The following CDK5RAP2 variants were observed in gnomAD, a reference collection of about 807,000 sequenced individuals.
CDK5RAP2 encodes the protein CDK5 regulatory subunit-associated protein 2.
CDK5RAP2 carries 147 observed loss-of-function variants against 232.9 expected under a neutral mutation model. That is an observed-to-expected ratio of 0.63 (90% confidence interval 0.55 to 0.72). The LOEUF (loss-of-function observed/expected upper bound fraction) is 0.72, where lower values mean the gene tolerates loss of function less well. Ranked by LOEUF, CDK5RAP2 falls within the 30% of genes least tolerant of loss-of-function variation. CDK5RAP2 has a pLI of 0.00. For synonymous variants in CDK5RAP2, 833 were observed against 833.7 expected, an observed-to-expected ratio of 1.00 and a Z score of 0.01; for missense variants, 2,195 against 2,231.5, an observed-to-expected ratio of 0.98 and a Z score of 0.33.
intron 28 of CDK5RAP2, among the ~76,000 whole-genome samples, chr9:120,413,807 C>CGAGGAGAGGGGAGG (rs1448879980): frequency 3.9e-4 from 44 of 111,972 alleles, no homozygotes; most frequent in Non-Finnish European, 6.4e-4. Flanking sequence ...GCGCAGTGAG[C>CGAGGAGAGGGGAGG]GAGGAGGGAG....
chr9:120,560,004 T>C (rs1403411172), intron 3 of CDK5RAP2, among the ~76,000 whole-genome samples: 1 of 152,140 alleles, frequency 6.6e-6, no homozygotes, highest in African/African-American at 2.4e-5. Flanking sequence ...AACTGAAATC[T>C]AAGCAAAGTA....
chr9:120,408,486 G>C lies in CDK5RAP2; in HGVS notation c.4605-18C>G, dbSNP rs1048188142. 3 of 1,613,906 alleles carry C rather than the reference G, an allele frequency of 1.9e-6. No homozygotes were observed. The highest frequency in any genetic ancestry group is 2.5e-6 in the Non-Finnish European group (3 of 1,179,916). On this transcript the variant is annotated intron_variant, in intron 30 of 37. Coordinates refer to ENST00000349780, the MANE Select transcript of CDK5RAP2 (RefSeq NM_018249.6). ...CCTGCACCCTGAGAAGGCCCCACAGGCATGAGAAGGACAGGTTAATTCTAC... is the reference window on the plus strand; with the variant it reads ...CCTGCACCCTGAGAAGGCCCCACAGCCATGAGAAGGACAGGTTAATTCTAC...
intron 17 of CDK5RAP2, 41 bp from the exon 18 acceptor site, chr9:120,468,038 G>A (rs1471908423): frequency 1.9e-6 from 3 of 1,611,426 alleles, no homozygotes; most frequent in Non-Finnish European, 2.5e-6. Flanking sequence ...TACCCAGCAA[G>A]AGACTTCAGC....
chr9:120,574,572 C>A (rs2042961358), intron 1 of CDK5RAP2, among the ~76,000 whole-genome samples: 1 of 152,168 alleles, frequency 6.6e-6, no homozygotes, highest in Non-Finnish European at 1.5e-5. Flanking sequence ...CCCAAAGCTC[C>A]TATATAAATG....
At chr9:120,407,616 A>T (rs1301853435) in intron 31 of CDK5RAP2, 2 of 203,498 alleles carry the variant, frequency 9.8e-6, no homozygotes, top group African/African-American at 2.3e-5. Context: ...CAGCAAGAAT[A>T]AAAAAAGCAA....
chr9:120,429,541 T>C (rs924337194), intron 25 of CDK5RAP2, among the ~76,000 whole-genome samples: 7 of 152,056 alleles, frequency 4.6e-5, no homozygotes, highest in African/African-American at 1.4e-4. Flanking sequence ...ACTTAGGAAT[T>C]CAACTTACAA....
intron 23 of CDK5RAP2, among the ~76,000 whole-genome samples, chr9:120,443,279 T>A (rs2035999099): frequency 6.6e-6 from 1 of 152,086 alleles, no homozygotes; most frequent in South Asian, 2.1e-4. Flanking sequence ...AACAGGCTGT[T>A]GGGATGATTG....
In CDK5RAP2 at chr9:120,536,581, T is replaced by G. The variant is rs73660578; in HGVS notation, c.508-55A>C. On this transcript the variant is annotated intron_variant, in intron 6 of 37. Coordinates refer to ENST00000349780, the MANE Select transcript of CDK5RAP2 (RefSeq NM_018249.6). ...ATTTTTCAATACAATTGGGAACATT[T>G]TGAAAGGAAATTGGATTAAAATATA... 3.3e-6 allele frequency: 5 copies of G among 1,527,286 alleles called. No homozygotes were observed. In the African/African-American group the frequency reaches 5.5e-5, roughly 17 times the overall value. 94.6% of individuals were successfully genotyped at this position (1,527,286 alleles called of 1,614,324 possible). A position where few individuals can be genotyped will look rare whatever the true frequency, so the allele number is the denominator to read the frequency against.
intron 28 of CDK5RAP2, among the ~76,000 whole-genome samples, chr9:120,412,979 C>T (rs2033944100): frequency 6.6e-6 from 1 of 152,202 alleles, no homozygotes; most frequent in African/African-American, 2.4e-5. Flanking sequence ...GGCTTAATAG[C>T]TGCATGACCT....
At chr9:120,577,457 A>G (rs928155406) in intron 1 of CDK5RAP2, among the ~76,000 whole-genome samples, 6 of 152,106 alleles carry the variant, frequency 3.9e-5, no homozygotes, top group Non-Finnish European at 7.4e-5. Context: ...TTTAACAGGG[A>G]CACAGTTTCT....
chr9:120,565,914 T>C (rs1224688897), intron 3 of CDK5RAP2, among the ~76,000 whole-genome samples: 1 of 152,198 alleles, frequency 6.6e-6, no homozygotes, highest in Non-Finnish European at 1.5e-5. Context: ...CTTAATCCAC[T>C]GCAGATTCCC....
At chr9:120,578,430 AG>A (rs2043116655) in intron 1 of CDK5RAP2, among the ~76,000 whole-genome samples, 1 of 152,222 alleles carries the variant, frequency 6.6e-6, no homozygotes, top group Non-Finnish European at 1.5e-5. Context: ...CCAATTAGAC[AG>A]GAACTGCAAA....
intron 20 of CDK5RAP2, among the ~76,000 whole-genome samples, chr9:120,457,685 G>C (rs1025726103): frequency 6.6e-6 from 1 of 152,232 alleles, no homozygotes; most frequent in African/African-American, 2.4e-5. Context: ...CTTATCAAGA[G>C]TCATGGGCAA....
chr9:120,568,485 G>T, intron 2 of CDK5RAP2, 97 bp from the exon 3 acceptor site: 1 of 872,346 alleles, frequency 1.1e-6, no homozygotes. Flanking sequence ...AACACGAACT[G>T]CTTCCACAGT....
At chr9:120,472,985 G>A (rs925260558) in intron 15 of CDK5RAP2, among the ~76,000 whole-genome samples, 2 of 152,252 alleles carry the variant, frequency 1.3e-5, no homozygotes, top group Non-Finnish European at 2.9e-5. Context: ...GGACAGTGCA[G>A]ATCCGTAAGA....
intron 12 of CDK5RAP2, among the ~76,000 whole-genome samples, chr9:120,515,181 A>T (rs1009096715): frequency 5.3e-5 from 8 of 151,126 alleles, no homozygotes; most frequent in Non-Finnish European, 1.2e-4. Context: ...GTTTTAAACT[A>T]AAAAAAAAGG....
At chr9:120,394,447 C>T in intron 36 of CDK5RAP2, 65 bp downstream of exon 36, 1 of 1,611,844 alleles carries the variant, frequency 6.2e-7, no homozygotes, top group Non-Finnish European at 8.5e-7. Flanking sequence ...TAATCCAGGG[C>T]AGAACTGGGA....
Position 120,536,404 on chromosome 9 carries a change from C to G in CDK5RAP2, c.630G>C (p.Leu210Phe). The G allele has an allele frequency of 1.9e-6, 3 of 1,614,190 alleles. No individual in the cohort carries two copies. Among genetic ancestry groups the G allele is most frequent in the Middle Eastern group, 1.6e-4 (1 of 6,062 alleles). Residue 210 changes from leucine to phenylalanine, a missense_variant, in exon 7 of 38, where the codon TTG becomes TTC. Leu to Phe is a conservative substitution (Grantham distance 22, BLOSUM62 0). Coordinates refer to ENST00000349780, the MANE Select transcript of CDK5RAP2 (RefSeq NM_018249.6). ...TCTCATCCAGGACCAGAGCCATCGC[C>G]AAGTCCCCCTCGTGCATCTTCTTCA... ...SEMKKMHEGD[L>F]AMALVLDEKD...
chr9:120,404,378 G>C (rs908431546), intron 32 of CDK5RAP2, among the ~76,000 whole-genome samples: 1 of 152,206 alleles, frequency 6.6e-6, no homozygotes, highest in Admixed American at 6.5e-5. Context: ...TCAAGGACAA[G>C]GGAGGGAAAC....
Sources: gnomAD v4.1 joint callset for allele counts (sites outside exome capture counted in the v4.1 genomes callset) on GRCh38, gnomAD v4.1.1 for gene constraint, MANE v1.5 for transcripts, NCBI Gene and HGNC (gene_info 2026-07-23, HGNC 2026-07-21) for gene names.